Variants in KY observed in about 807,000 individuals in gnomAD.
KY encodes the protein kyphoscoliosis peptidase.
In KY, 43 loss-of-function variants were observed where a neutral mutation model predicts 76.1. The observed-to-expected ratio is 0.57, with a 90% CI of 0.44 to 0.73. KY has a LOEUF of 0.73. KY is among the 30% of genes least tolerant of loss of function. The probability of loss-of-function intolerance (pLI) is 0.00; values close to 1 mark genes in which losing one functional copy is unlikely to be tolerated. For synonymous variants in KY, 277 were observed against 326.2 expected (o/e 0.85, Z 1.63); for missense variants, 722 against 828.9 (o/e 0.87, Z 1.58).
At chr3:134,646,325 G>C (rs1291951600) in intron 2 of KY, among the ~76,000 whole-genome samples, 1 of 152,178 alleles carries the variant, frequency 6.6e-6, no homozygotes, top group Non-Finnish European at 1.5e-5. Flanking sequence ...CCTGGCAGTG[G>C]TGGGGTGGGG....
chr3:134,604,191 C>T lies in KY; in HGVS notation c.1374G>A (p.Ser458=), dbSNP rs750312216. ...LHQPVGPSWF[S]EQMGIMKPSH... ...AGGGCTTCATGATGCCCATCTGCTC[C>T]GAGAACCAGCTGGGGCCCACGGGCT... Residue 458 remains serine, a synonymous_variant, in exon 11 of 11, where the codon TCG becomes TCA. Transcript: ENST00000423778. The T allele has an allele frequency of 1.4e-5, 23 of 1,611,482 alleles. No homozygotes were observed. The highest frequency in any genetic ancestry group is 4.0e-5 in the African/African-American group (3 of 74,900).
chr3:134,617,069 A>G (rs1961697113), intron 8 of KY, among the ~76,000 whole-genome samples: 1 of 152,156 alleles, frequency 6.6e-6, no homozygotes, highest in Non-Finnish European at 1.5e-5. Flanking sequence ...AAAGGATGCT[A>G]GGATGCTTAT....
At chr3:134,627,973 G>A in intron 4 of KY, 155 bp from the exon 5 acceptor site, 1 of 635,948 alleles carries the variant, frequency 1.6e-6, no homozygotes, top group Non-Finnish European at 2.8e-6. Flanking sequence ...CCACTGAATT[G>A]CTGCTTGAAT....
At chr3:134,640,389 G>A (rs1400867051) in intron 3 of KY, among the ~76,000 whole-genome samples, 3 of 152,134 alleles carry the variant, frequency 2.0e-5, no homozygotes, top group Non-Finnish European at 4.4e-5. Flanking sequence ...AAATATCTTT[G>A]AGCTTCCCTA....
intron 3 of KY, among the ~76,000 whole-genome samples, chr3:134,638,301 T>G (rs752801539): frequency 1.3e-5 from 2 of 152,198 alleles, no homozygotes; most frequent in African/African-American, 2.4e-5. Flanking sequence ...ACTCTTAATT[T>G]AAGAAAAAAT....
intron 10 of KY, chr3:134,607,426 GGC>G (rs1560099917): frequency 1.1e-5 from 11 of 985,524 alleles, no homozygotes; most frequent in Non-Finnish European, 1.3e-5. Flanking sequence ...CCCACCCACA[GGC>G]ACCCTGTGCT....
intron 3 of KY, among the ~76,000 whole-genome samples, chr3:134,637,112 A>G (rs778191175): frequency 6.6e-6 from 1 of 152,242 alleles, no homozygotes; most frequent in Non-Finnish European, 1.5e-5. Context: ...TGCAAAGCAT[A>G]GCTTTGAAGG....
At chr3:134,609,317 T>C (rs1248167944) in intron 9 of KY, among the ~76,000 whole-genome samples, 1 of 152,016 alleles carries the variant, frequency 6.6e-6, no homozygotes, top group African/African-American at 2.4e-5. Flanking sequence ...ATGTCAGTAA[T>C]GGGGATCAAG....
intron 3 of KY, among the ~76,000 whole-genome samples, chr3:134,634,544 T>G (rs759939989): frequency 3.3e-5 from 5 of 152,062 alleles, no homozygotes; most frequent in Non-Finnish European, 7.4e-5. Flanking sequence ...GGATGGAAAA[T>G]AAGCACATGA....
rs781083835 is a variant in KY at position 134,608,796 on chromosome 3, C to T, written c.943G>A (p.Glu315Lys). 1.7e-5 allele frequency: 28 copies of T among 1,613,780 alleles called. No homozygotes were observed. The highest frequency in any genetic ancestry group is 2.2e-5 in the East Asian group (1 of 44,896). The change falls in exon 10 of 11, where the codon GAG (glutamate) becomes AAG (lysine). Residue 315 changes from glutamate (E) to lysine (K), a missense_variant. Physicochemically the swap from Glu to Lys is moderately conservative, Grantham distance 56 (BLOSUM62 1). Transcript: ENST00000423778. ...YFLTHPALFIEDHFPDNKNWQ... is the reference protein window; with the variant it reads ...YFLTHPALFIKDHFPDNKNWQ... ...TTCTTGTTGTCTGGGAAGTGGTCCT[C>T]GATGAACAGTGCAGGGTGGGTGAGG...
chr3:134,608,081 C>T, intron 10 of KY: 2 of 1,109,442 alleles, frequency 1.8e-6, no homozygotes, highest in Non-Finnish European at 2.2e-6. Flanking sequence ...GGACTGCCCC[C>T]ACCTGTCCTG....
At chr3:134,612,362 G>A (rs575482104) in intron 8 of KY, among the ~76,000 whole-genome samples, 14 of 152,320 alleles carry the variant, frequency 9.2e-5, no homozygotes, top group South Asian at 8.3e-4. Flanking sequence ...TGAGGAGACC[G>A]TGGAAGGAAG....
intron 2 of KY, among the ~76,000 whole-genome samples, 179 bp from the exon 3 acceptor site, chr3:134,643,557 T>C (rs1966044683): frequency 6.6e-6 from 1 of 152,210 alleles, no homozygotes; most frequent in Non-Finnish European, 1.5e-5. Flanking sequence ...ACACTGTGCA[T>C]GGAGACAAAT....
intron 8 of KY, among the ~76,000 whole-genome samples, chr3:134,618,924 T>C (rs1962073042): frequency 6.6e-6 from 1 of 152,204 alleles, no homozygotes; most frequent in African/African-American, 2.4e-5. Context: ...TGTGCATTCA[T>C]CTACCATTAT....
chr3:134,608,851 A>G lies in KY; in HGVS notation c.900-12T>C, dbSNP rs760005527. On this transcript the variant is annotated splice_polypyrimidine_tract_variant and intron_variant, in intron 9 of 10. Transcript: ENST00000423778. ...AGAACTCATTGTAGCTGGAGCAGAG[A>G]CAAGCTGGTTAGCAGCCAGCTCCAT... is the stretch of plus-strand genomic sequence containing the variant. 2 of 1,600,760 alleles carry G rather than the reference A, an allele frequency of 1.2e-6. No homozygotes were observed. The highest frequency in any genetic ancestry group is 1.7e-6 in the Non-Finnish European group (2 of 1,171,386).
rs1318254801 is a variant in KY at position 134,603,511 on chromosome 3, T to C, written c.*68A>G. ...CAGTGGTGTCCAGGGCTCCCTGCACTTCCTTCGAGCCCTCCCTGGGGAGGT... is the reference window on the plus strand; with the variant it reads ...CAGTGGTGTCCAGGGCTCCCTGCACCTCCTTCGAGCCCTCCCTGGGGAGGT... On this transcript the variant is annotated 3_prime_UTR_variant, in exon 11 of 11. Coordinates refer to ENST00000423778, the MANE Select transcript of KY (RefSeq NM_178554.6). 2.1e-6 allele frequency: 3 copies of C among 1,433,912 alleles called. No homozygotes were observed. The highest frequency in any genetic ancestry group is 1.4e-5 in the African/African-American group (1 of 70,076). 88.8% of individuals were successfully genotyped at this position (1,433,912 alleles called of 1,614,324 possible).
At chr3:134,610,033 G>T (rs548913978) in intron 9 of KY, among the ~76,000 whole-genome samples, 162 bp downstream of exon 9, 11 of 152,234 alleles carry the variant, frequency 7.2e-5, no homozygotes, top group Non-Finnish European at 1.3e-4. Context: ...CTCACAATTG[G>T]CCTGGAGCCA....
At chr3:134,639,972 A>AG (rs1480623778) in intron 3 of KY, 1 of 175,110 alleles carries the variant, frequency 5.7e-6, no homozygotes, top group Non-Finnish European at 1.2e-5. Context: ...AAAAAAAAAA[A>AG]AAAAAAGAAA....
At chr3:134,627,350 C>T (rs1277536130) in intron 5 of KY, among the ~76,000 whole-genome samples, 1 of 152,178 alleles carries the variant, frequency 6.6e-6, no homozygotes, top group Non-Finnish European at 1.5e-5. Flanking sequence ...AGGGCAAAAG[C>T]AGGATTCCAA....
Sources: allele counts gnomAD v4.1 joint callset (sites outside exome capture counted in the v4.1 genomes callset), GRCh38; gene constraint gnomAD v4.1.1; transcripts MANE v1.5; gene names NCBI Gene and HGNC (gene_info 2026-07-23, HGNC 2026-07-21).